DNM3: variants seen among roughly 807,000 people sequenced by gnomAD.
DNM3 encodes the protein dynamin 3.
DNM3 carries 47 observed loss-of-function variants against 101.6 expected under a neutral mutation model. The ratio of observed to expected loss-of-function variants is 0.46; its 90% CI spans 0.37 to 0.59. The LOEUF (loss-of-function observed/expected upper bound fraction) is 0.59. DNM3 is among the 20% of genes least tolerant of loss of function. DNM3 has a pLI of 0.00. For synonymous variants in DNM3, 385 were observed against 387.9 expected, an observed-to-expected ratio of 0.99 and a Z score of 0.09; for missense variants, 849 against 1,085.7, an observed-to-expected ratio of 0.78 and a Z score of 3.06.
rs150680343 is a variant in DNM3, at chr1:172,280,871, C to T, written c.1769+27189C>T. On this transcript the variant is annotated intron_variant, in intron 15 of 20. Coordinates refer to ENST00000627582, the MANE Select transcript of DNM3 (RefSeq NM_015569.5). ...GATGAAAGGAATGGTTCAAGCCAAG[C>T]ATCAATAATTAAGTTATCCTGAAAT... Among the ~76,000 whole-genome samples, 723 of 152,228 alleles carry T rather than the reference C, an allele frequency of 4.7e-3. 3 individuals carry two copies. The highest frequency in any genetic ancestry group is 0.016 in the African/African-American group (685 of 41,540).
In DNM3 at chr1:171,989,020, A is replaced by G; in HGVS notation, c.461A>G (p.Tyr154Cys). The G allele has an allele frequency of 6.2e-7, 1 of 1,610,568 alleles. No individual in the cohort carries two copies. Among genetic ancestry groups the G allele is most frequent in the Non-Finnish European group, 8.5e-7 (1 of 1,178,262 alleles). Reference sequence around the variant, plus strand: ...GGAGATCAGCCACCAGATATCGAGTATCAGATCAGAGAAATGATTATGCAG... The same window carrying G: ...GGAGATCAGCCACCAGATATCGAGTGTCAGATCAGAGAAATGATTATGCAG... ...PVGDQPPDIE[Y>C]QIREMIMQFI... The change falls in exon 4 of 21, where the codon TAT (tyrosine) becomes TGT (cysteine). Residue 154 changes from tyrosine (Y) to cysteine (C), a missense_variant. Tyr to Cys is a radical substitution (Grantham distance 194). Coordinates refer to ENST00000627582, the MANE Select transcript of DNM3 (RefSeq NM_015569.5).
At chr1:172,181,394 A>T in intron 14 of DNM3, among the ~76,000 whole-genome samples, 1 of 151,344 alleles carries the variant, frequency 6.6e-6, no homozygotes, top group Non-Finnish European at 1.5e-5. Flanking sequence ...ACACACACAC[A>T]CACACACACA....
chr1:172,124,675 T>G (rs1233633480), intron 13 of DNM3, among the ~76,000 whole-genome samples: 1 of 152,058 alleles, frequency 6.6e-6, no homozygotes, highest in Non-Finnish European at 1.5e-5. Context: ...TAAGGTTAGC[T>G]CTCCACAGTT....
intron 14 of DNM3, chr1:172,144,523 G>C (rs952054891): frequency 2.1e-6 from 1 of 469,348 alleles, no homozygotes; most frequent in Non-Finnish European, 4.4e-6. Flanking sequence ...TGTCCCCAGC[G>C]GTCCATGGCG....
intron 16 of DNM3, chr1:172,311,079 A>G (rs2065058761): frequency 6.6e-6 from 1 of 152,180 alleles, no homozygotes; most frequent in South Asian, 2.1e-4. Flanking sequence ...ATAGGATTGA[A>G]TGAGATAATG....
intron 13 of DNM3, among the ~76,000 whole-genome samples, chr1:172,102,984 C>T (rs959243267): frequency 6.6e-6 from 1 of 152,094 alleles, no homozygotes; most frequent in African/African-American, 2.4e-5. Flanking sequence ...ATAAAGTATC[C>T]ATTTGTTACT....
At chr1:172,319,058 G>A (rs1418906306) in intron 16 of DNM3, among the ~76,000 whole-genome samples, 2 of 152,088 alleles carry the variant, frequency 1.3e-5, no homozygotes, top group African/African-American at 4.8e-5. Context: ...CAATGGAACA[G>A]AACAGAGCCC....
At chr1:172,358,791 A>G (rs183258237) in intron 17 of DNM3, among the ~76,000 whole-genome samples, 5 of 152,190 alleles carry the variant, frequency 3.3e-5, no homozygotes, top group Non-Finnish European at 2.9e-5. Context: ...TGCCACTGGT[A>G]ATTCTTTTTA....
At chr1:171,909,816 A>C (rs2039145966) in intron 1 of DNM3, among the ~76,000 whole-genome samples, 1 of 152,230 alleles carries the variant, frequency 6.6e-6, no homozygotes. Flanking sequence ...AGGCAATGAA[A>C]GAAGGCCATT....
At chr1:172,046,071 C>T (rs977428692) in intron 9 of DNM3, among the ~76,000 whole-genome samples, 1 of 152,128 alleles carries the variant, frequency 6.6e-6, no homozygotes, top group Non-Finnish European at 1.5e-5. Context: ...ACCCAAAGGA[C>T]TATAAATCAC....
At chr1:172,412,773 C>T (rs189776224), downstream of DNM3, 7 of 971,984 alleles carry the variant, frequency 7.2e-6, no homozygotes, top group Non-Finnish European at 8.6e-6. Context: ...TTCAGTAATA[C>T]CTGAGACTTC....
At chr1:172,046,690 T>C (rs1323435281) in intron 9 of DNM3, among the ~76,000 whole-genome samples, 3 of 152,206 alleles carry the variant, frequency 2.0e-5, no homozygotes, top group Non-Finnish European at 4.4e-5. Flanking sequence ...TAACGTTTTT[T>C]CTTTTACCAT....
At chr1:171,962,575 C>T (rs573779887) in intron 2 of DNM3, among the ~76,000 whole-genome samples, 37 of 152,094 alleles carry the variant, frequency 2.4e-4, no homozygotes, top group Non-Finnish European at 4.9e-4. Flanking sequence ...CTGGTGAGGC[C>T]CCTCTTTCTG....
chr1:171,987,335 A>G, intron 2 of DNM3: 1 of 984,942 alleles, frequency 1.0e-6, no homozygotes, highest in Non-Finnish European at 1.2e-6. Context: ...GTCTTTAACA[A>G]TCAGGTGCTG....
intron 14 of DNM3, among the ~76,000 whole-genome samples, chr1:172,163,956 TACACACACAC>T (rs10536417): frequency 2.4e-4 from 36 of 147,284 alleles, no homozygotes; most frequent in Non-Finnish European, 3.9e-4. Context: ...TACATATATA[TACACACACAC>T]ACACACACAC....
intron 14 of DNM3, among the ~76,000 whole-genome samples, chr1:172,218,092 G>A (rs1251214841): frequency 6.6e-6 from 1 of 152,112 alleles, no homozygotes; most frequent in Non-Finnish European, 1.5e-5. Context: ...GGTTTCAAAA[G>A]TGTCCTTTTC....
intron 14 of DNM3, among the ~76,000 whole-genome samples, chr1:172,237,245 T>G (rs1241268630): frequency 6.6e-6 from 1 of 152,118 alleles, no homozygotes; most frequent in Non-Finnish European, 1.5e-5. Context: ...TCTCATAAAG[T>G]TAGGTTTATT....
At chr1:172,076,569 A>G (rs2052664370) in intron 11 of DNM3, among the ~76,000 whole-genome samples, 1 of 152,196 alleles carries the variant, frequency 6.6e-6, no homozygotes, top group African/African-American at 2.4e-5. Context: ...ATCTATTGAG[A>G]TAATCATGTG....
intron 1 of DNM3, among the ~76,000 whole-genome samples, chr1:171,865,657 C>T (rs939964487): frequency 2.0e-5 from 3 of 152,014 alleles, no homozygotes; most frequent in Non-Finnish European, 2.9e-5. Context: ...CATGTAAACA[C>T]CCCATTAGGG....
Sources: allele counts gnomAD v4.1 joint callset (sites outside exome capture counted in the v4.1 genomes callset), GRCh38; gene constraint gnomAD v4.1.1; transcripts MANE v1.5; gene names NCBI Gene and HGNC (gene_info 2026-07-23, HGNC 2026-07-21).